The following IKZF3 variants were observed in gnomAD, a reference collection of about 807,000 sequenced individuals.
The protein encoded by IKZF3 is IKAROS family zinc finger 3.
Under a neutral mutation model 49.0 loss-of-function variants are expected in IKZF3, and 10 were observed. That is an observed-to-expected ratio of 0.20 (90% CI 0.13 to 0.35). The LOEUF (loss-of-function observed/expected upper bound fraction) is 0.35. IKZF3 is among the 10% of genes least tolerant of loss of function. The probability of loss-of-function intolerance (pLI) is 1.00; values close to 1 mark genes in which losing one functional copy is unlikely to be tolerated. For synonymous variants in IKZF3, 209 were observed against 228.2 expected, an observed-to-expected ratio of 0.92 and a Z score of 0.76; for missense variants, 498 against 664.8, an observed-to-expected ratio of 0.75 and a Z score of 2.76.
intron 1 of IKZF3, among the ~76,000 whole-genome samples, chr17:39,842,435 A>G (rs185496219): frequency 6.6e-6 from 1 of 152,332 alleles, no homozygotes; most frequent in East Asian, 1.9e-4. Context: ...TGGCTAAGGC[A>G]TGAGAATTGA....
chr17:39,850,401 T>C (rs1485531789), intron 1 of IKZF3, among the ~76,000 whole-genome samples: 3 of 134,816 alleles, frequency 2.2e-5, no homozygotes, highest in Admixed American at 8.0e-5. Flanking sequence ...ATATTGTATG[T>C]ATATATAATA....
At chr17:39,830,578 G>C (rs948877313) in intron 2 of IKZF3, among the ~76,000 whole-genome samples, 3 of 152,124 alleles carry the variant, frequency 2.0e-5, no homozygotes, top group Non-Finnish European at 4.4e-5. Context: ...GATAATACTA[G>C]AAGAAAAAGG....
intron 3 of IKZF3, among the ~76,000 whole-genome samples, chr17:39,807,543 A>ATTT (rs2061457715): frequency 1.0e-5 from 1 of 99,090 alleles, no homozygotes. Flanking sequence ...GGACTATTTA[A>ATTT]ATTTTTTTTT....
intron 2 of IKZF3, among the ~76,000 whole-genome samples, chr17:39,830,804 C>T (rs2062088865): frequency 6.6e-6 from 1 of 152,194 alleles, no homozygotes; most frequent in Non-Finnish European, 1.5e-5. Context: ...TAACTAGAAG[C>T]TCTGCAGTGG....
rs1049273727 is a variant in IKZF3 at position 39,765,603 on chromosome 17, T to C, written c.*187A>G. 4.3e-5 allele frequency: 22 copies of C among 517,142 alleles called. No individual in the cohort carries two copies. The highest frequency in any genetic ancestry group is 2.5e-4 in the Admixed American group (7 of 28,338). 32.0% of individuals were successfully genotyped at this position (517,142 alleles called of 1,614,324 possible). On this transcript the variant is annotated 3_prime_UTR_variant, in exon 8 of 8. Transcript: ENST00000346872. ...AACAAAGGTTTCACAAAAGTAATAA[T>C]ATGCTAGACCTGCGAATAATTTCTG...
intron 6 of IKZF3, among the ~76,000 whole-genome samples, chr17:39,784,821 A>T (rs2060834867): frequency 6.6e-6 from 1 of 152,236 alleles, no homozygotes; most frequent in Non-Finnish European, 1.5e-5. Flanking sequence ...AGAAATGATT[A>T]GCAAGGCCAG....
At chr17:39,776,514 C>G in intron 7 of IKZF3, among the ~76,000 whole-genome samples, 1 of 152,132 alleles carries the variant, frequency 6.6e-6, no homozygotes, top group East Asian at 1.9e-4. Flanking sequence ...TGAAATATAC[C>G]AACTTTTCTC....
At chr17:39,830,008 A>G (rs1241076131) in intron 2 of IKZF3, among the ~76,000 whole-genome samples, 1 of 152,150 alleles carries the variant, frequency 6.6e-6, no homozygotes, top group Non-Finnish European at 1.5e-5. Flanking sequence ...CTCTGAATAC[A>G]CACAACTTTC....
At chr17:39,784,615 G>C (rs534094312) in intron 6 of IKZF3, among the ~76,000 whole-genome samples, 25 of 152,304 alleles carry the variant, frequency 1.6e-4, no homozygotes, top group African/African-American at 6.0e-4. Context: ...TGTTGGCCAA[G>C]ATGGTCTCCA....
At chr17:39,784,915 A>G (rs1465764512) in intron 6 of IKZF3, among the ~76,000 whole-genome samples, 1 of 152,196 alleles carries the variant, frequency 6.6e-6, no homozygotes, top group East Asian at 1.9e-4. Flanking sequence ...GCTTCTAGAA[A>G]GTCCTGCTTC....
At chr17:39,829,355 C>T (rs2062042748) in intron 3 of IKZF3, 32 bp downstream of exon 3, 1 of 1,424,870 alleles carries the variant, frequency 7.0e-7, no homozygotes, top group Non-Finnish European at 9.9e-7. Context: ...TATCTACAGG[C>T]ATCAGTGTTT....
chr17:39,813,471 C>T (rs2061608460), intron 3 of IKZF3, among the ~76,000 whole-genome samples: 1 of 151,442 alleles, frequency 6.6e-6, no homozygotes, highest in Non-Finnish European at 1.5e-5. Flanking sequence ...ATAGCGAGAC[C>T]CCGTATCTAC....
At chr17:39,859,367 T>A (rs1243410797) in intron 1 of IKZF3, among the ~76,000 whole-genome samples, 1 of 150,722 alleles carries the variant, frequency 6.6e-6, no homozygotes, top group East Asian at 1.9e-4. Flanking sequence ...GGCCTTGGTG[T>A]CATCCTTATG....
At chr17:39,785,040 C>G (rs1449760402) in intron 6 of IKZF3, among the ~76,000 whole-genome samples, 1 of 152,154 alleles carries the variant, frequency 6.6e-6, no homozygotes, top group African/African-American at 2.4e-5. Flanking sequence ...AGCATCATCT[C>G]TTTACAAGTG....
intron 3 of IKZF3, among the ~76,000 whole-genome samples, chr17:39,804,975 T>C (rs1291432341): frequency 1.3e-5 from 2 of 152,206 alleles, no homozygotes; most frequent in Non-Finnish European, 2.9e-5. Context: ...TGGAAAGCCA[T>C]AGACATATAC....
rs976608753 is a variant in IKZF3 at position 39,763,759 on chromosome 17, T to A, written c.*2031A>T. 1.3e-5 allele frequency: 2 copies of A among 152,236 alleles called. No homozygotes were observed. Among genetic ancestry groups the A allele is most frequent in the East Asian group, 3.8e-4 (2 of 5,200 alleles). 9.4% of individuals were successfully genotyped at this position (152,236 alleles called of 1,614,324 possible). ...CTTGTGGTTACTGCATAATCACATATGAATTAAAGCTAGAAGGGACCTAAG... is the reference window on the plus strand; with the variant it reads ...CTTGTGGTTACTGCATAATCACATAAGAATTAAAGCTAGAAGGGACCTAAG... On this transcript the variant is annotated 3_prime_UTR_variant, in exon 8 of 8. Coordinates refer to ENST00000346872, the MANE Select transcript of IKZF3 (RefSeq NM_012481.5).
At chr17:39,775,236 G>A (rs2060549368) in intron 7 of IKZF3, among the ~76,000 whole-genome samples, 2 of 151,900 alleles carry the variant, frequency 1.3e-5, no homozygotes. Flanking sequence ...AGTTATTCTG[G>A]GCCCTGAAGC....
chr17:39,812,658 C>T (rs973810800), intron 3 of IKZF3, among the ~76,000 whole-genome samples: 15 of 152,138 alleles, frequency 9.9e-5, no homozygotes, highest in East Asian at 7.7e-4. Context: ...CTCGGGTCAC[C>T]GTGCCTGGTG....
chr17:39,800,275 G>A (rs1417861206), intron 3 of IKZF3, among the ~76,000 whole-genome samples: 1 of 152,166 alleles, frequency 6.6e-6, no homozygotes, highest in East Asian at 1.9e-4. Context: ...CTATCAAGAA[G>A]CCTCATAGAC....
Sources: gnomAD v4.1 joint callset for allele counts (sites outside exome capture counted in the v4.1 genomes callset) on GRCh38, gnomAD v4.1.1 for gene constraint, MANE v1.5 for transcripts, NCBI Gene and HGNC (gene_info 2026-07-23, HGNC 2026-07-21) for gene names.